The following MCTP1 variants were observed in gnomAD, a reference collection of about 807,000 sequenced individuals.
The protein encoded by MCTP1 is multiple C2 and transmembrane domain-containing protein 1.
A neutral mutation model predicts 120.6 loss-of-function variants in MCTP1; 69 were observed. The observed-to-expected ratio is 0.57, with a 90% CI of 0.47 to 0.70. The LOEUF is 0.70. Among genes scored for constraint, MCTP1 ranks in the 30% least tolerant of loss-of-function variants. The probability of loss-of-function intolerance (pLI) is 0.00; values close to 1 mark genes in which losing one functional copy is unlikely to be tolerated. For missense variants in MCTP1, 1,203 were observed against 1,248.8 expected (o/e 0.96, Z 0.55); for synonymous variants, 529 against 493.1 (o/e 1.07, Z -0.96).
chr5:95,051,594 A>G (rs759492855), intron 1 of MCTP1, among the ~76,000 whole-genome samples: 3 of 152,210 alleles, frequency 2.0e-5, no homozygotes, highest in East Asian at 1.9e-4. Flanking sequence ...GTTCTCTGCC[A>G]TCTCTTATAC....
chr5:95,095,638 G>C (rs1756203516), intron 1 of MCTP1, among the ~76,000 whole-genome samples: 1 of 152,146 alleles, frequency 6.6e-6, no homozygotes, highest in East Asian at 1.9e-4. Flanking sequence ...TCCTTTTTAA[G>C]TTGATTTCAG....
chr5:94,955,704 C>T (rs535975850), intron 2 of MCTP1, among the ~76,000 whole-genome samples: 29 of 152,318 alleles, frequency 1.9e-4, no homozygotes, highest in Non-Finnish European at 4.1e-4. Flanking sequence ...TGTAGCCAGA[C>T]TGCCTCTCTA....
At chr5:94,998,667 G>A (rs1213956755) in intron 2 of MCTP1, among the ~76,000 whole-genome samples, 2 of 152,158 alleles carry the variant, frequency 1.3e-5, no homozygotes, top group African/African-American at 2.4e-5. Context: ...GAGACTCTAA[G>A]CTGGTTCTAG....
At chr5:95,178,408 G>A (rs934283357) in intron 1 of MCTP1, among the ~76,000 whole-genome samples, 5 of 152,154 alleles carry the variant, frequency 3.3e-5, no homozygotes, top group African/African-American at 1.2e-4. Flanking sequence ...AGAGTGCAGT[G>A]GTGCACTCTT....
rs775251326 is a variant in MCTP1 at position 95,172,953 on chromosome 5, T to C, written c.720+110903A>G. ...AACATAGTCCCTCTTCATTTACACA[T>C]GGTAATTTTCACAGATTATAGACCA... On this transcript the variant is annotated intron_variant, in intron 1 of 22. Transcript: ENST00000515393. 4.6e-5 allele frequency among the ~76,000 whole-genome samples: 7 copies of C among 152,204 alleles called. No individual in the cohort carries two copies. The East Asian group carries it at 9.6e-4, about 21-fold the overall frequency.
chr5:94,905,371 G>C (rs111822706), intron 10 of MCTP1, among the ~76,000 whole-genome samples: 1 of 152,134 alleles, frequency 6.6e-6, no homozygotes, highest in South Asian at 2.1e-4. Flanking sequence ...TGGAACAGAG[G>C]AGTTAAGTTA....
chr5:95,142,383 T>G (rs950000458), intron 1 of MCTP1, among the ~76,000 whole-genome samples: 5 of 152,184 alleles, frequency 3.3e-5, no homozygotes, highest in Non-Finnish European at 2.9e-5. Context: ...AACACGAGAT[T>G]ATAATTAGGA....
At chr5:95,033,546 C>T (rs1007734568) in intron 1 of MCTP1, among the ~76,000 whole-genome samples, 2 of 152,032 alleles carry the variant, frequency 1.3e-5, no homozygotes, top group African/African-American at 4.8e-5. Context: ...GATAAAAACT[C>T]TCAACAAACC....
chr5:94,801,004 T>C (rs970889171), intron 17 of MCTP1, among the ~76,000 whole-genome samples: 1 of 152,024 alleles, frequency 6.6e-6, no homozygotes, highest in Non-Finnish European at 1.5e-5. Flanking sequence ...TAATTGATGG[T>C]TATGATTATT....
At position 94,779,101 on chromosome 5, in the gene MCTP1, GATA is replaced by G. The variant is rs1438459617; in HGVS notation, c.2610+6_2610+8del. On this transcript the variant is annotated splice_donor_region_variant and intron_variant, in intron 19 of 22. Coordinates refer to ENST00000515393, the MANE Select transcript of MCTP1 (RefSeq NM_024717.7). The stretch of plus-strand genomic sequence containing the variant: ...CCCCAGGTACCCAAGTGCTGGGAAA[GATA>G]ATTACCTTGTCATCTTTGTCATCTT... The G allele has an allele frequency of 2.5e-6, 4 of 1,611,636 alleles. No individual in the cohort carries two copies. The highest frequency in any genetic ancestry group is 3.4e-6 in the Non-Finnish European group (4 of 1,177,986).
intron 19 of MCTP1, among the ~76,000 whole-genome samples, chr5:94,729,708 A>G (rs1762786687): frequency 6.6e-6 from 1 of 152,210 alleles, no homozygotes; most frequent in East Asian, 1.9e-4. Context: ...GCAAAATACA[A>G]ACTCAACTTG....
chr5:95,041,332 GAAAAAAC>G (rs1197289435), intron 1 of MCTP1, among the ~76,000 whole-genome samples: 1,429 of 111,502 alleles, frequency 0.013, 17 homozygotes, highest in African/African-American at 0.044. Context: ...AAAAAAAAAA[GAAAAAAC>G]AAAAAGAAAG....
At chr5:94,919,396 T>A (rs115696581) in intron 7 of MCTP1, among the ~76,000 whole-genome samples, 2,646 of 151,966 alleles carry the variant, frequency 0.017, 82 homozygotes, top group African/African-American at 0.061. Context: ...AAAAATCGAT[T>A]TAGACTTAAT....
chr5:95,265,765 T>G (rs1758833210), intron 1 of MCTP1, among the ~76,000 whole-genome samples: 1 of 152,184 alleles, frequency 6.6e-6, no homozygotes, highest in South Asian at 2.1e-4. Flanking sequence ...ATATGCTACC[T>G]CCCCATCTAA....
At chr5:95,207,921 G>C (rs1217068961) in intron 1 of MCTP1, among the ~76,000 whole-genome samples, 1 of 125,248 alleles carries the variant, frequency 8.0e-6, no homozygotes, top group African/African-American at 2.9e-5. Context: ...AAAAAAGAAT[G>C]AGCGGGCGAG....
intron 2 of MCTP1, among the ~76,000 whole-genome samples, chr5:94,955,813 G>T (rs773850630): frequency 2.0e-5 from 3 of 152,196 alleles, no homozygotes; most frequent in Non-Finnish European, 2.9e-5. Context: ...CAGAGCACCT[G>T]GGGGAAGGGG....
chr5:95,010,225 A>AT (rs912330465), intron 2 of MCTP1, among the ~76,000 whole-genome samples: 165 of 151,134 alleles, frequency 1.1e-3, no homozygotes, highest in African/African-American at 3.5e-3. Context: ...CTTAATAGTT[A>AT]TTTTTTTTTG....
At chr5:95,210,618 C>G (rs1463042331) in intron 1 of MCTP1, among the ~76,000 whole-genome samples, 4 of 150,718 alleles carry the variant, frequency 2.7e-5, no homozygotes, top group African/African-American at 9.8e-5. Flanking sequence ...TGGGTCTTGA[C>G]TCTTTATCCA....
intron 1 of MCTP1, among the ~76,000 whole-genome samples, chr5:95,255,780 T>C (rs1365011994): frequency 2.6e-5 from 4 of 152,016 alleles, no homozygotes; most frequent in Admixed American, 1.3e-4. Context: ...CATAAGCTAA[T>C]CCCCAATCAA....
Sources: gnomAD v4.1 joint callset for allele counts (sites outside exome capture counted in the v4.1 genomes callset) on GRCh38, gnomAD v4.1.1 for gene constraint, MANE v1.5 for transcripts, NCBI Gene and HGNC (gene_info 2026-07-23, HGNC 2026-07-21) for gene names.